Variants in LRRC9 observed in about 807,000 individuals in gnomAD.
The protein encoded by LRRC9 is leucine-rich repeat-containing protein 9.
Under a neutral mutation model 63.2 loss-of-function variants are expected in LRRC9, and 122 were observed. That is an observed-to-expected ratio of 1.93 (90% CI 1.67 to 2.24). The LOEUF is 2.24. LRRC9 is among the 30% of genes most tolerant of loss of function. The pLI, the probability that LRRC9 is intolerant of heterozygous loss-of-function variation, is 0.00. For missense variants in LRRC9, 1,071 were observed against 627.7 expected (o/e 1.71, Z -7.55); for synonymous variants, 366 against 213.1 (o/e 1.72, Z -6.25).
At chr14:60,045,514 A>T (rs1257612105) in intron 29 of LRRC9, among the ~76,000 whole-genome samples, 1 of 152,188 alleles carries the variant, frequency 6.6e-6, no homozygotes. Context: ...TATAAATGAA[A>T]ACATGTGGTG....
intron 17 of LRRC9, among the ~76,000 whole-genome samples, chr14:59,994,669 T>C (rs1012754495): frequency 6.6e-6 from 1 of 152,188 alleles, no homozygotes. Flanking sequence ...CACCATGGAA[T>C]ACTATGTGGC....
chr14:59,999,814 A>G (rs1040678245), intron 19 of LRRC9, among the ~76,000 whole-genome samples: 7 of 152,062 alleles, frequency 4.6e-5, no homozygotes, highest in Non-Finnish European at 1.0e-4. Context: ...GGATCTATTC[A>G]AAATTTTGAA....
Position 59,997,860 on chromosome 14 carries a change from C to G in LRRC9, c.2403+13C>G. ...TCCATGGCAAAAGGTATGCCACAGA[C>G]ATGTTACTAAAAAGCAAACATTTTT... On this transcript the variant is annotated intron_variant, in intron 18 of 31. Coordinates refer to ENST00000445360, the Ensembl canonical transcript of LRRC9. 1.5e-6 allele frequency: 1 copy of G among 654,740 alleles called. No individual in the cohort carries two copies. Among genetic ancestry groups the G allele is most frequent in the Non-Finnish European group, 2.8e-6 (1 of 359,442 alleles). 40.6% of individuals were successfully genotyped at this position (654,740 alleles called of 1,614,324 possible). A position where few individuals can be genotyped will look rare whatever the true frequency, so the allele number is the denominator to read the frequency against.
At position 60,042,796 on chromosome 14, in the gene LRRC9, A is replaced by G. The variant is rs1386658160; in HGVS notation, c.3991-10269A>G. 6.6e-6 allele frequency among the ~76,000 whole-genome samples: 1 copy of G among 152,154 alleles called. No homozygotes were observed. Among genetic ancestry groups the G allele is most frequent in the Non-Finnish European group, 1.5e-5 (1 of 68,018 alleles). On this transcript the variant is annotated intron_variant, in intron 29 of 31. Coordinates refer to ENST00000445360, the Ensembl canonical transcript of LRRC9. This position sits in a 1 kb window ranked among gnomAD's most constrained non-coding sequence, Gnocchi z 4.2. ...GAGATGAACACAGTACCTCAGTTGG[A>G]AATGCAGAAATCACCCATCTTCGGT...
intron 29 of LRRC9, among the ~76,000 whole-genome samples, chr14:60,047,447 G>C (rs771997161): frequency 4.6e-5 from 7 of 151,982 alleles, no homozygotes; most frequent in Non-Finnish European, 1.0e-4. Flanking sequence ...TCAAAACAAA[G>C]GGATGAAGGA....
At chr14:59,953,597 C>T (rs947085527) in intron 8 of LRRC9, among the ~76,000 whole-genome samples, 4 of 151,992 alleles carry the variant, frequency 2.6e-5, no homozygotes, top group Admixed American at 2.6e-4. Context: ...AAATTTTCTC[C>T]CATTCTGTAG....
chr14:59,943,270 A>G (rs1449006988), intron 7 of LRRC9, among the ~76,000 whole-genome samples: 2 of 151,986 alleles, frequency 1.3e-5, no homozygotes, highest in Non-Finnish European at 2.9e-5. Context: ...TTCTTCTAGT[A>G]GTTTTATGGT....
rs577656045 is a variant in LRRC9, at chr14:60,042,247, T to G, written c.3990+10184T>G. On this transcript the variant is annotated intron_variant, in intron 29 of 31. Transcript: ENST00000445360. The surrounding 1 kb of genome is among the most constrained non-coding windows in gnomAD (Gnocchi z 4.2). ...GTCCGTTCTCAGATCTCAAACTCCA[T>G]GCTGGGAGAAGCACTACTCTCTTCA... Among the ~76,000 whole-genome samples, 1 of 152,288 alleles carries G rather than the reference T, an allele frequency of 6.6e-6. No individual in the cohort carries two copies. The highest frequency in any genetic ancestry group is 1.5e-5 in the Non-Finnish European group (1 of 68,006).
intron 29 of LRRC9, among the ~76,000 whole-genome samples, chr14:60,048,051 A>G (rs1028333991): frequency 6.6e-6 from 1 of 152,198 alleles, no homozygotes; most frequent in African/African-American, 2.4e-5. Flanking sequence ...CTGCTGGGTA[A>G]ATAATAAAAG....
chr14:59,977,216 T>C lies in LRRC9; in HGVS notation c.1640-9T>C, dbSNP rs1168848280. 5 of 663,430 alleles carry C rather than the reference T, an allele frequency of 7.5e-6. No individual in the cohort carries two copies. Among genetic ancestry groups the C allele is most frequent in the Non-Finnish European group, 1.3e-5 (5 of 374,174 alleles). The allele number at this position is 663,430 out of a possible 1,614,324, so 41.1% of individuals were successfully genotyped here. On this transcript the variant is annotated splice_polypyrimidine_tract_variant and intron_variant, in intron 13 of 31. Transcript: ENST00000445360. ...TTCTTAAGAATTACTTCTGTTTTTTTATATTTAGGCATCCTCCTCATTACA... is the reference window on the plus strand; with the variant it reads ...TTCTTAAGAATTACTTCTGTTTTTTCATATTTAGGCATCCTCCTCATTACA...
At chr14:60,000,747 C>A (rs533401365) in intron 19 of LRRC9, among the ~76,000 whole-genome samples, 1 of 152,052 alleles carries the variant, frequency 6.6e-6, no homozygotes, top group East Asian at 1.9e-4. Flanking sequence ...AGAGCATAAA[C>A]CATAAATAAT....
chr14:60,024,629 C>G (rs1025149352), intron 27 of LRRC9, among the ~76,000 whole-genome samples: 2 of 151,892 alleles, frequency 1.3e-5, no homozygotes, highest in Admixed American at 1.3e-4. Context: ...ACCTGGAGAC[C>G]TGGCCTTAAA....
At chr14:59,994,060 G>C (rs536846875) in intron 17 of LRRC9, among the ~76,000 whole-genome samples, 1 of 152,058 alleles carries the variant, frequency 6.6e-6, no homozygotes, top group African/African-American at 2.4e-5. Context: ...CACATAGTTG[G>C]AAGTAAAGCA....
Position 60,051,306 on chromosome 14 carries a change from C to T in LRRC9, c.3991-1759C>T, listed in dbSNP as rs1487911367. On this transcript the variant is annotated intron_variant, in intron 29 of 31. Coordinates refer to ENST00000445360, the Ensembl canonical transcript of LRRC9. This position sits in a 1 kb window ranked among gnomAD's most constrained non-coding sequence, Gnocchi z 4.7. ...ACTCCAGGCCCCCCACAAGGGGGCC[C>T]CGCCCAGTGAGGAAGAATGGATCAG... Among the ~76,000 whole-genome samples, 1 of 152,172 alleles carries T rather than the reference C, an allele frequency of 6.6e-6. No individual in the cohort carries two copies. The highest frequency in any genetic ancestry group is 1.5e-5 in the Non-Finnish European group (1 of 68,018).
Position 59,923,113 on chromosome 14 carries a change from C to A in LRRC9, c.-34+3230C>A, listed in dbSNP as rs1464978043. Among the ~76,000 whole-genome samples the A allele has an allele frequency of 6.6e-6, 1 of 152,190 alleles. No individual in the cohort carries two copies. Among genetic ancestry groups the A allele is most frequent in the African/African-American group, 2.4e-5 (1 of 41,434 alleles). On this transcript the variant is annotated intron_variant, in intron 1 of 31. Transcript: ENST00000445360. This position sits in a 1 kb window ranked among gnomAD's most constrained non-coding sequence, Gnocchi z 4.2. ...ACAAGCTGGCCAACAGGACATTCAC[C>A]TCTTGATGAATTCAGTAACTTCATC...
chr14:60,043,260 A>G (rs944253752), intron 29 of LRRC9, among the ~76,000 whole-genome samples: 10 of 152,126 alleles, frequency 6.6e-5, no homozygotes, highest in African/African-American at 2.4e-4. Context: ...TTTTGCTCCT[A>G]CCTTTTCAAT....
intron 8 of LRRC9, among the ~76,000 whole-genome samples, chr14:59,949,360 T>TTTA (rs752839414): frequency 1.6e-4 from 24 of 151,834 alleles, no homozygotes; most frequent in Non-Finnish European, 2.4e-4. Context: ...TGATATCCCC[T>TTTA]TTATCATTTT....
At chr14:59,933,008 C>T (rs1317441302) in intron 6 of LRRC9, among the ~76,000 whole-genome samples, 1 of 152,190 alleles carries the variant, frequency 6.6e-6, no homozygotes, top group Non-Finnish European at 1.5e-5. Context: ...TTCTACCACT[C>T]TCTCCTTTGT....
chr14:60,037,879 C>A (rs182129482), intron 29 of LRRC9, among the ~76,000 whole-genome samples: 4 of 152,238 alleles, frequency 2.6e-5, no homozygotes, highest in African/African-American at 9.6e-5. Flanking sequence ...AGGTTTTCTT[C>A]TAGGGTTTTT....
Sources: gnomAD v4.1 joint callset for allele counts (sites outside exome capture counted in the v4.1 genomes callset) on GRCh38, gnomAD v4.1.1 for gene constraint, Gnocchi (gnomAD v3.1) non-coding constraint, MANE v1.5 for transcripts, NCBI Gene and HGNC (gene_info 2026-07-23, HGNC 2026-07-21) for gene names.